RARB: variants seen among roughly 807,000 people sequenced by gnomAD.
RARB encodes the protein retinoic acid receptor beta.
In RARB, 17 loss-of-function variants were observed where a neutral mutation model predicts 51.9. That is an observed-to-expected ratio of 0.33 (90% CI 0.22 to 0.49). The LOEUF is 0.49. Ranked by LOEUF, RARB falls within the 20% of genes least tolerant of loss-of-function variation. The probability of loss-of-function intolerance (pLI) is 0.99; values close to 1 mark genes in which losing one functional copy is unlikely to be tolerated. For missense variants in RARB, 369 were observed against 550.8 expected (o/e 0.67, Z 3.30); for synonymous variants, 215 against 195.4 (o/e 1.10, Z -0.84).
chr3:25,597,273 A>G lies in RARB; in HGVS notation c.*657A>G, dbSNP rs1346297035. On this transcript the variant is annotated 3_prime_UTR_variant, in exon 8 of 8. Coordinates refer to ENST00000330688, the MANE Select transcript of RARB (RefSeq NM_000965.5). The stretch of plus-strand genomic sequence containing the variant: ...TCATGTTGCCCAGTAAAAGTATACA[A>G]ATTCCCTGCACTAGCAGAAGAGAAT... 6.6e-6 allele frequency: 1 copy of G among 152,616 alleles called. No individual in the cohort carries two copies. The highest frequency in any genetic ancestry group is 6.5e-5 in the Admixed American group (1 of 15,292). 9.5% of individuals were successfully genotyped at this position (152,616 alleles called of 1,614,324 possible).
chr3:25,405,127 C>T (rs894870892), intron 5 of RARB, among the ~76,000 whole-genome samples: 1 of 152,194 alleles, frequency 6.6e-6, no homozygotes, highest in Non-Finnish European at 1.5e-5. Context: ...TTTTAACCGT[C>T]TCTTAATCCC....
At chr3:25,522,948 C>T (rs1276847671) in intron 3 of RARB, among the ~76,000 whole-genome samples, 5 of 152,136 alleles carry the variant, frequency 3.3e-5, no homozygotes, top group Admixed American at 6.5e-5. Flanking sequence ...TAAATGTTCT[C>T]CAGTTTGATG....
At chr3:25,216,103 G>A (rs1177171692) in intron 5 of RARB, among the ~76,000 whole-genome samples, 1 of 152,012 alleles carries the variant, frequency 6.6e-6, no homozygotes, top group African/African-American at 2.4e-5. Context: ...TTAAAATAAC[G>A]TAAATGTGTA....
At chr3:25,385,556 T>A (rs1035719860) in intron 5 of RARB, among the ~76,000 whole-genome samples, 30 of 152,272 alleles carry the variant, frequency 2.0e-4, no homozygotes, top group African/African-American at 6.7e-4. Flanking sequence ...CAGTTTCCCC[T>A]ACCACGAGGA....
At chr3:25,257,135 G>C (rs1702885793) in intron 5 of RARB, among the ~76,000 whole-genome samples, 1 of 152,120 alleles carries the variant, frequency 6.6e-6, no homozygotes, top group South Asian at 2.1e-4. Context: ...CAACACATAT[G>C]ATGGTTGACA....
intron 5 of RARB, among the ~76,000 whole-genome samples, chr3:25,293,448 T>A (rs1324075960): frequency 6.6e-6 from 1 of 151,980 alleles, no homozygotes; most frequent in Non-Finnish European, 1.5e-5. Flanking sequence ...TTTTAATGCT[T>A]CTTTTTGTAG....
At chr3:25,084,968 C>G (rs1279850105) in intron 3 of RARB, among the ~76,000 whole-genome samples, 2 of 152,082 alleles carry the variant, frequency 1.3e-5, no homozygotes, top group East Asian at 3.9e-4. Context: ...ATGAGCATGA[C>G]AGACAAGTCA....
At chr3:25,545,822 T>C (rs1480833507) in intron 3 of RARB, among the ~76,000 whole-genome samples, 2 of 152,046 alleles carry the variant, frequency 1.3e-5, no homozygotes, top group African/African-American at 4.8e-5. Flanking sequence ...GGTGATAACA[T>C]GTGAAGAATT....
chr3:25,543,125 C>A (rs180928990), intron 3 of RARB, among the ~76,000 whole-genome samples: 11 of 152,220 alleles, frequency 7.2e-5, no homozygotes, highest in East Asian at 3.9e-4. Flanking sequence ...TGCCAAGGGC[C>A]TTGTGACAAA....
chr3:25,588,787 G>A (rs1701504179), intron 5 of RARB, among the ~76,000 whole-genome samples: 1 of 152,172 alleles, frequency 6.6e-6, no homozygotes. Flanking sequence ...CTTCCTCTGT[G>A]GACCTGTCCG....
chr3:25,518,529 T>G (rs1698272940), intron 3 of RARB, among the ~76,000 whole-genome samples: 1 of 152,048 alleles, frequency 6.6e-6, no homozygotes, highest in Non-Finnish European at 1.5e-5. Context: ...TTTTCCAAAT[T>G]GAAATAAAAA....
At chr3:25,328,160 T>C (rs1429423130) in intron 5 of RARB, among the ~76,000 whole-genome samples, 1 of 152,218 alleles carries the variant, frequency 6.6e-6, no homozygotes, top group African/African-American at 2.4e-5. Context: ...AATTGGTGTA[T>C]TAAGGAATGG....
At chr3:24,863,751 C>T (rs1320846683) in intron 2 of RARB, among the ~76,000 whole-genome samples, 1 of 151,396 alleles carries the variant, frequency 6.6e-6, no homozygotes, top group Non-Finnish European at 1.5e-5. Context: ...CTTCACTTTC[C>T]TCCTGTCATT....
At chr3:25,317,782 A>T (rs1704466432) in intron 5 of RARB, among the ~76,000 whole-genome samples, 1 of 152,248 alleles carries the variant, frequency 6.6e-6, no homozygotes, top group Non-Finnish European at 1.5e-5. Context: ...TTAGTAAAAG[A>T]ATGTCTCCTA....
At chr3:25,067,611 T>A (rs1203515141) in intron 3 of RARB, among the ~76,000 whole-genome samples, 1 of 152,228 alleles carries the variant, frequency 6.6e-6, no homozygotes. Context: ...TTATCTGTTA[T>A]CCCTAGTCCT....
At chr3:25,021,000 T>A (rs1482031531) in intron 2 of RARB, among the ~76,000 whole-genome samples, 1 of 152,146 alleles carries the variant, frequency 6.6e-6, no homozygotes, top group African/African-American at 2.4e-5. Flanking sequence ...TTTTAGATTT[T>A]TCTAGTGGCA....
intron 2 of RARB, among the ~76,000 whole-genome samples, chr3:24,950,753 A>T (rs1476836192): frequency 1.3e-5 from 2 of 151,968 alleles, no homozygotes; most frequent in East Asian, 3.9e-4. Flanking sequence ...GAAAGAGAGG[A>T]TATCATATAA....
At chr3:24,967,863 G>A (rs540631854) in intron 2 of RARB, among the ~76,000 whole-genome samples, 1 of 152,136 alleles carries the variant, frequency 6.6e-6, no homozygotes, top group African/African-American at 2.4e-5. Context: ...GTGAACATGT[G>A]GTTGAATGAC....
At chr3:24,830,671 G>A (rs960312083) in intron 1 of RARB, among the ~76,000 whole-genome samples, 2 of 151,782 alleles carry the variant, frequency 1.3e-5, no homozygotes, top group Non-Finnish European at 2.9e-5. Context: ...TGGGGTGTGT[G>A]TGTGTGTGTG....
Sources: gnomAD v4.1 joint callset for allele counts (sites outside exome capture counted in the v4.1 genomes callset) on GRCh38, gnomAD v4.1.1 for gene constraint, MANE v1.5 for transcripts, NCBI Gene and HGNC (gene_info 2026-07-23, HGNC 2026-07-21) for gene names.